ADGRA2: variants seen among roughly 807,000 people sequenced by gnomAD.
The protein encoded by ADGRA2 is G-protein coupled receptor 124.
ADGRA2 carries 61 observed loss-of-function variants against 98.7 expected under a neutral mutation model. The observed-to-expected ratio is 0.62, with a 90% CI of 0.50 to 0.76. The LOEUF is 0.76. ADGRA2 is among the 30% of genes least tolerant of loss of function. The pLI is 0.00. For missense variants in ADGRA2, 1,712 were observed against 1,860.0 expected, an observed-to-expected ratio of 0.92 and a Z score of 1.46; for synonymous variants, 858 against 831.5, an observed-to-expected ratio of 1.03 and a Z score of -0.55.
chr8:37,797,452 G>A lies in ADGRA2; in HGVS notation c.184G>A (p.Ala62Thr). 7.1e-7 allele frequency: 1 copy of A among 1,415,262 alleles called. No individual in the cohort carries two copies. 87.7% of individuals were successfully genotyped at this position (1,415,262 alleles called of 1,614,324 possible). A position where few individuals can be genotyped will look rare whatever the true frequency, so the allele number is the denominator to read the frequency against. Residue 62 changes from alanine (A) to threonine (T), a missense_variant, in exon 1 of 19, where the codon GCT becomes ACT. Ala to Thr is a moderately conservative substitution (Grantham distance 58, BLOSUM62 0). Transcript: ENST00000412232. The surrounding 1 kb of genome is among the most constrained non-coding windows in gnomAD (Gnocchi z 5.3). ...KGLSGGVPGP[A>T]RRRVVCSGGD... ...GCTGAGCGGCGGCGTCCCTGGCCCG[G>A]CTCGGCGGAGGGTGGTGTGCAGCGG...
At chr8:37,837,109 T>C (rs1443531943) in intron 13 of ADGRA2, among the ~76,000 whole-genome samples, 1 of 152,218 alleles carries the variant, frequency 6.6e-6, no homozygotes, top group Non-Finnish European at 1.5e-5. Flanking sequence ...TGAAGTGTTT[T>C]GGAGGGCACA....
intron 8 of ADGRA2, among the ~76,000 whole-genome samples, chr8:37,832,172 T>C (rs1232926694): frequency 6.6e-6 from 1 of 152,134 alleles, no homozygotes; most frequent in African/African-American, 2.4e-5. Context: ...CATGATCTTG[T>C]TGCCTCAGCC....
At chr8:37,799,920 C>T (rs1804449177) in intron 1 of ADGRA2, among the ~76,000 whole-genome samples, 2 of 152,150 alleles carry the variant, frequency 1.3e-5, no homozygotes, top group Non-Finnish European at 2.9e-5. Context: ...CCTCATGGCA[C>T]CCCCCAATCC....
In ADGRA2 at chr8:37,841,097, T is replaced by C; in HGVS notation, c.2759T>C (p.Val920Ala). 6.4e-7 allele frequency: 1 copy of C among 1,568,814 alleles called. No individual in the cohort carries two copies. Among genetic ancestry groups the C allele is most frequent in the Non-Finnish European group, 8.7e-7 (1 of 1,155,480 alleles). ...YRDHSPYCWL[V>A]WRPSLGAFYI... The stretch of plus-strand genomic sequence containing the variant: ...TGTGTCTCCTACAGCTGCTGGCTGG[T>C]GTGGCGTCCAAGCCTTGGCGCCTTC... The change falls in exon 19 of 19, where the codon GTG (valine) becomes GCG (alanine). Residue 920 changes from valine to alanine, a missense_variant. Coordinates refer to ENST00000412232, the MANE Select transcript of ADGRA2 (RefSeq NM_032777.10). The surrounding 1 kb of genome is among the most constrained non-coding windows in gnomAD (Gnocchi z 5.0).
intron 2 of ADGRA2, among the ~76,000 whole-genome samples, chr8:37,823,919 G>A (rs1805194824): frequency 6.6e-6 from 1 of 151,996 alleles, no homozygotes; most frequent in African/African-American, 2.4e-5. Flanking sequence ...CTGCTATTGA[G>A]TTGTAAGAGT....
At chr8:37,808,128 C>T (rs1351650411) in intron 1 of ADGRA2, among the ~76,000 whole-genome samples, 2 of 152,158 alleles carry the variant, frequency 1.3e-5, no homozygotes, top group African/African-American at 2.4e-5. Flanking sequence ...GGAATGGACT[C>T]GGTGTGCCCC....
At chr8:37,838,811 C>A in intron 14 of ADGRA2, 145 bp from the exon 15 acceptor site, 1 of 897,214 alleles carries the variant, frequency 1.1e-6, no homozygotes, top group Non-Finnish European at 1.6e-6. Flanking sequence ...TAAGAGTGGA[C>A]AGCCCGAAGC....
Position 37,830,785 on chromosome 8 carries a change from C to T in ADGRA2, c.794C>T (p.Pro265Leu). The T allele has an allele frequency of 6.3e-7, 1 of 1,596,702 alleles. No individual in the cohort carries two copies. Among genetic ancestry groups the T allele is most frequent in the Non-Finnish European group, 8.5e-7 (1 of 1,172,336 alleles). The change falls in exon 7 of 19, where the codon CCC becomes CTC. Residue 265 changes from proline to leucine, a missense_variant. Transcript: ENST00000412232. The surrounding 1 kb of genome is among the most constrained non-coding windows in gnomAD (Gnocchi z 4.8). ...GTGGTGTTCCAGGGGGATCGGCTGC[C>T]CTTCCAGTGCTCTGCCAGCTACCTG... ...RQVVFQGDRL[P>L]FQCSASYLGN...
At position 37,844,831 on chromosome 8, in the gene ADGRA2, G is replaced by A; in HGVS notation, c.*2476G>A. 1 of 1,614,198 alleles carries A rather than the reference G, an allele frequency of 6.2e-7. No homozygotes were observed. Among genetic ancestry groups the A allele is most frequent in the Non-Finnish European group, 8.5e-7 (1 of 1,180,050 alleles). On this transcript the variant is annotated 3_prime_UTR_variant, in exon 19 of 19. Transcript: ENST00000412232. ...CCATCCCGAAAGGCAGAGCGGACCA[G>A]TGACTGGCGGTGCTGGAGAAGGTCA...
intron 9 of ADGRA2, 54 bp downstream of exon 9, chr8:37,833,262 G>C: frequency 7.1e-7 from 1 of 1,410,196 alleles, no homozygotes; most frequent in Non-Finnish European, 9.7e-7. Context: ...ACAGGGAAGG[G>C]AGAAGCCAAC....
intron 1 of ADGRA2, among the ~76,000 whole-genome samples, chr8:37,804,914 A>G (rs527672850): frequency 6.6e-6 from 1 of 152,272 alleles, no homozygotes; most frequent in African/African-American, 2.4e-5. Flanking sequence ...ATTTGAAATC[A>G]GTCTGACCCA....
At chr8:37,839,110 G>A (rs369803943) in intron 15 of ADGRA2, 27 bp downstream of exon 15, 75 of 1,606,450 alleles carry the variant, frequency 4.7e-5, no homozygotes, top group South Asian at 7.8e-5. Context: ...GAGGGAGGGC[G>A]TGGTGGGCAG....
Position 37,844,858 on chromosome 8 carries a change from C to T in ADGRA2, c.*2503C>T, listed in dbSNP as rs983775121. 12 of 1,614,032 alleles carry T rather than the reference C, an allele frequency of 7.4e-6. No individual in the cohort carries two copies. The highest frequency in any genetic ancestry group is 6.7e-5 in the Admixed American group (4 of 60,000). On this transcript the variant is annotated 3_prime_UTR_variant, in exon 19 of 19. Coordinates refer to ENST00000412232, the MANE Select transcript of ADGRA2 (RefSeq NM_032777.10). Reference sequence around the variant, plus strand: ...GACTGGCGGTGCTGGAGAAGGTCACCGATGTGCTTCACCACAGACCGTTTG... The same window carrying T: ...GACTGGCGGTGCTGGAGAAGGTCACTGATGTGCTTCACCACAGACCGTTTG...
rs1185143530 is a variant in ADGRA2 at position 37,834,374 on chromosome 8, G to A, written c.1608+246G>A. ...GGGCCAGCCTGATGGGAATAAGCAG[G>A]AGGAAGAGTGAAAGGAGTAGAAGGG... is the stretch of plus-strand genomic sequence containing the variant. On this transcript the variant is annotated intron_variant, in intron 11 of 18. Coordinates refer to ENST00000412232, the MANE Select transcript of ADGRA2 (RefSeq NM_032777.10). This position sits in a 1 kb window ranked among gnomAD's most constrained non-coding sequence, Gnocchi z 4.2. Among the ~76,000 whole-genome samples the A allele has an allele frequency of 6.6e-6, 1 of 152,240 alleles. No homozygotes were observed. Among genetic ancestry groups the A allele is most frequent in the African/African-American group, 2.4e-5 (1 of 41,458 alleles).
intron 13 of ADGRA2, among the ~76,000 whole-genome samples, chr8:37,837,230 G>A (rs1312008496): frequency 3.3e-5 from 5 of 152,212 alleles, no homozygotes; most frequent in African/African-American, 1.2e-4. Flanking sequence ...CCCTGTGTCC[G>A]CAACCGCGTG....
chr8:37,797,414 A>T lies in ADGRA2; in HGVS notation c.146A>T (p.Glu49Val). The T allele has an allele frequency of 7.0e-7, 1 of 1,428,578 alleles. No homozygotes were observed. The highest frequency in any genetic ancestry group is 1.5e-5 in the South Asian group (1 of 67,712). The allele number at this position is 1,428,578 out of a possible 1,614,324, so 88.5% of individuals were successfully genotyped here. Residue 49 changes from glutamate (E) to valine (V), a missense_variant, in exon 1 of 19, where the codon GAG becomes GTG. Physicochemically the swap from Glu to Val is moderately radical, Grantham distance 121. Coordinates refer to ENST00000412232, the MANE Select transcript of ADGRA2 (RefSeq NM_032777.10). This position sits in a 1 kb window ranked among gnomAD's most constrained non-coding sequence, Gnocchi z 5.3. Reference sequence around the variant, plus strand: ...ATCCGCAGCTGCAAGTGCTCGGGGGAGCGGCCCAAGGGGCTGAGCGGCGGC... The same window carrying T: ...ATCCGCAGCTGCAAGTGCTCGGGGGTGCGGCCCAAGGGGCTGAGCGGCGGC... Reference protein sequence around the residue: ...LSIRSCKCSGERPKGLSGGVP... With the variant: ...LSIRSCKCSGVRPKGLSGGVP...
At chr8:37,828,544 T>G (rs1245373818) in intron 2 of ADGRA2, among the ~76,000 whole-genome samples, 1 of 139,678 alleles carries the variant, frequency 7.2e-6, no homozygotes, top group Non-Finnish European at 1.5e-5. Context: ...TGGAGTGCAG[T>G]GGCGCGATCT....
rs376654554 is a variant in ADGRA2 at position 37,837,741 on chromosome 8, C to T, written c.2061C>T (p.Gly687=). 64 of 1,552,622 alleles carry T rather than the reference C, an allele frequency of 4.1e-5. No individual in the cohort carries two copies. Among genetic ancestry groups the T allele is most frequent in the South Asian group, 1.2e-4 (10 of 84,186 alleles). The change falls in exon 14 of 19, where the codon GGC becomes GGT. Residue 687 remains glycine (G), a synonymous_variant. Transcript: ENST00000412232. ...PVIFAGTSGC[G]VGNLTEPVAV... ...CCTCTCCCGCTGTAGGTGGCTGTGG[C>T]GTGGGAAACCTGACAGAGCCAGTGG...
At chr8:37,829,707 G>C (rs962337216) in intron 5 of ADGRA2, 144 bp from the exon 6 acceptor site, 2 of 982,008 alleles carry the variant, frequency 2.0e-6, no homozygotes, top group African/African-American at 1.6e-5. Context: ...ACCTTCCCGC[G>C]ATGGCCCGGG....
Sources: gnomAD v4.1 joint callset for allele counts (sites outside exome capture counted in the v4.1 genomes callset) on GRCh38, gnomAD v4.1.1 for gene constraint, Gnocchi (gnomAD v3.1) non-coding constraint, MANE v1.5 for transcripts, NCBI Gene and HGNC (gene_info 2026-07-23, HGNC 2026-07-21) for gene names.